Variants in TARS1 observed in about 807,000 individuals in gnomAD.
The protein encoded by TARS1 is threonine--tRNA ligase 1, cytoplasmic.
In TARS1, 57 loss-of-function variants were observed where a neutral mutation model predicts 97.7. The ratio of observed to expected loss-of-function variants is 0.58; its 90% confidence interval spans 0.47 to 0.73. The LOEUF (loss-of-function observed/expected upper bound fraction) is 0.73, where lower values mean the gene tolerates loss of function less well. Among genes scored for constraint, TARS1 ranks in the 30% least tolerant of loss-of-function variants. TARS1 has a pLI of 0.00. For missense variants in TARS1, 806 were observed against 888.3 expected, an observed-to-expected ratio of 0.91 and a Z score of 1.18; for synonymous variants, 312 against 293.7, an observed-to-expected ratio of 1.06 and a Z score of -0.64.
chr5:33,449,605 G>A (rs1334690951), intron 3 of TARS1, among the ~76,000 whole-genome samples: 19 of 151,182 alleles, frequency 1.3e-4, no homozygotes, highest in African/African-American at 3.4e-4. Context: ...ACAGGTGCCC[G>A]CCACCACGCC....
At position 33,458,606 on chromosome 5, in the gene TARS1, G is replaced by T; in HGVS notation, c.1025G>T (p.Ser342Ile). Residue 342 changes from serine to isoleucine, a missense_variant, in exon 10 of 19, where the codon AGT becomes ATT. Physicochemically the swap from Ser to Ile is moderately radical, Grantham distance 142. Coordinates refer to ENST00000265112, the MANE Select transcript of TARS1 (RefSeq NM_152295.5). ...LYFFHELSPG[S>I]CFFLPKGAYI... is the part of the protein sequence containing the mutation. ...TTCTTTCATGAACTCAGCCCTGGAA[G>T]TTGCTTTTTTCTGCCAAAAGGAGCC... 6.2e-7 allele frequency: 1 copy of T among 1,613,690 alleles called. No homozygotes were observed. The highest frequency in any genetic ancestry group is 1.7e-4 in the Middle Eastern group (1 of 6,056).
intron 2 of TARS1, among the ~76,000 whole-genome samples, chr5:33,448,101 G>C (rs1741510902): frequency 6.6e-6 from 1 of 152,228 alleles, no homozygotes; most frequent in Admixed American, 6.5e-5. Flanking sequence ...GAGACCTTAA[G>C]TCAAAGAAAT....
At chr5:33,463,989 C>G (rs1166620715) in intron 17 of TARS1, among the ~76,000 whole-genome samples, 164 bp downstream of exon 17, 3 of 152,116 alleles carry the variant, frequency 2.0e-5, no homozygotes, top group Non-Finnish European at 4.4e-5. Flanking sequence ...TTCTTTAATG[C>G]TTTTCTCCAT....
rs557847497 is a variant in TARS1 at position 33,454,945 on chromosome 5, G to A, written c.454G>A (p.Val152Met). Residue 152 changes from valine (V) to methionine (M), a missense_variant and splice_region_variant, in exon 5 of 19, where the codon GTG becomes ATG. This residue lies in a region of TARS1 where 356 missense variants were observed against 357.8 expected (regional missense o/e 0.99). Coordinates refer to ENST00000265112, the MANE Select transcript of TARS1 (RefSeq NM_152295.5). Reference sequence around the variant, plus strand: ...ATGCCATTTTTCTTTAAATTTTCAGGTGTATTGGCACTCTAGTGCTCACAT... The same window carrying A: ...ATGCCATTTTTCTTTAAATTTTCAGATGTATTGGCACTCTAGTGCTCACAT... Reference protein sequence around the residue: ...LKFEDEEAQAVYWHSSAHIMG... With the variant: ...LKFEDEEAQAMYWHSSAHIMG... The A allele has an allele frequency of 6.2e-7, 1 of 1,612,526 alleles. No individual in the cohort carries two copies. Among genetic ancestry groups the A allele is most frequent in the South Asian group, 1.1e-5 (1 of 90,788 alleles).
chr5:33,461,096 A>G, intron 12 of TARS1, 32 bp downstream of exon 12: 1 of 1,603,172 alleles, frequency 6.2e-7, no homozygotes, highest in Non-Finnish European at 8.5e-7. Flanking sequence ...ATACTTAGAA[A>G]GAAGAGTCAA....
At position 33,458,630 on chromosome 5, in the gene TARS1, C is replaced by T. The variant is rs1051210; in HGVS notation, c.1049C>T (p.Ala350Val). ...AGTTGCTTTTTTCTGCCAAAAGGAG[C>T]CTACATTTATAATGCACTTATTGAA... ...PGSCFFLPKG[A>V]YIYNALIEFI... The change falls in exon 10 of 19, where the codon GCC becomes GTC. Residue 350 changes from alanine to valine, a missense_variant. This residue lies in a region of TARS1 where 446 missense variants were observed against 511.0 expected (regional missense o/e 0.87). Coordinates refer to ENST00000265112, the MANE Select transcript of TARS1 (RefSeq NM_152295.5). 6.2e-7 allele frequency: 1 copy of T among 1,613,526 alleles called. No homozygotes were observed. The highest frequency in any genetic ancestry group is 8.5e-7 in the Non-Finnish European group (1 of 1,179,722).
At chr5:33,447,101 A>G (rs1741456990) in intron 2 of TARS1, among the ~76,000 whole-genome samples, 1 of 152,170 alleles carries the variant, frequency 6.6e-6, no homozygotes, top group African/African-American at 2.4e-5. Context: ...GTGCCTGTGA[A>G]TAGTCACTGC....
At chr5:33,450,458 T>G (rs1455714772) in intron 3 of TARS1, among the ~76,000 whole-genome samples, 1 of 152,236 alleles carries the variant, frequency 6.6e-6, no homozygotes, top group Non-Finnish European at 1.5e-5. Flanking sequence ...TTAGTACTTT[T>G]TACAAAGTGA....
At chr5:33,463,714 G>A in intron 16 of TARS1, 39 bp from the exon 17 acceptor site, 1 of 1,536,532 alleles carries the variant, frequency 6.5e-7, no homozygotes, top group Non-Finnish European at 9.0e-7. Flanking sequence ...TAGTGAATAT[G>A]CCCACATCTA....
intron 2 of TARS1, among the ~76,000 whole-genome samples, chr5:33,447,664 G>A (rs1741487534): frequency 6.6e-6 from 1 of 152,212 alleles, no homozygotes; most frequent in Non-Finnish European, 1.5e-5. Context: ...TTGAATAAAT[G>A]TTAAAATCTG....
chr5:33,455,577 TCTC>T lies in TARS1; in HGVS notation c.576-7_576-5del, dbSNP rs1336951166. ...ATGGAATGAAAAGATTATACTTTCT[TCTC>T]CTTCAGGGGTGTGTCTAGCAATGAT... On this transcript the variant is annotated splice_polypyrimidine_tract_variant and splice_region_variant and intron_variant, in intron 5 of 18. Coordinates refer to ENST00000265112, the MANE Select transcript of TARS1 (RefSeq NM_152295.5). 1 of 1,546,412 alleles carries T rather than the reference TCTC, an allele frequency of 6.5e-7. No homozygotes were observed. Among genetic ancestry groups the T allele is most frequent in the Non-Finnish European group, 8.8e-7 (1 of 1,133,888 alleles).
rs779855795 is a variant in TARS1 at position 33,448,687 on chromosome 5, G to A, written c.285G>A (p.Ala95=). ...VTLPDGKQVD[A]ESWKTTPYQI... ...TGCCTGATGGTAAACAGGTTGATGCGGAATCTTGGAAAACTACACCATATC... is the reference window on the plus strand; with the variant it reads ...TGCCTGATGGTAAACAGGTTGATGCAGAATCTTGGAAAACTACACCATATC... The change falls in exon 3 of 19, where the codon GCG becomes GCA. Residue 95 remains alanine (A), a synonymous_variant. Coordinates refer to ENST00000265112, the MANE Select transcript of TARS1 (RefSeq NM_152295.5). 3.4e-5 allele frequency: 55 copies of A among 1,613,558 alleles called. No individual in the cohort carries two copies. In the East Asian group the frequency reaches 6.2e-4, roughly 18 times the overall value.
chr5:33,456,968 C>CT (rs1223301746), intron 8 of TARS1, among the ~76,000 whole-genome samples: 2 of 151,970 alleles, frequency 1.3e-5, no homozygotes, highest in African/African-American at 2.4e-5. Flanking sequence ...GGGTAATTTT[C>CT]TTTTTTTTAA....
At chr5:33,467,439 T>TA in intron 18 of TARS1, 121 bp from the exon 19 acceptor site, 1 of 1,090,668 alleles carries the variant, frequency 9.2e-7, no homozygotes, top group Non-Finnish European at 1.3e-6. Flanking sequence ...TTGTACCTTT[T>TA]AATGTATCAG....
In TARS1 at chr5:33,460,951, C is replaced by A; in HGVS notation, c.1300C>A (p.Leu434Ile). 1.2e-6 allele frequency: 2 copies of A among 1,614,152 alleles called. No homozygotes were observed. The highest frequency in any genetic ancestry group is 1.7e-6 in the Non-Finnish European group (2 of 1,180,032). The part of the protein sequence containing the change: ...PRSWRELPLR[L>I]ADFGVLHRNE... ...GTCCTGGCGAGAACTGCCTCTGCGG[C>A]TAGCTGATTTTGGGGTACTTCATAG... Residue 434 changes from leucine (L) to isoleucine (I), a missense_variant, in exon 12 of 19, where the codon CTA becomes ATA. Physicochemically the swap from Leu to Ile is conservative, Grantham distance 5. Around this residue, in one of 3 missense-constraint regions of TARS1, gnomAD observed 446 missense variants for 511.0 expected, o/e 0.87. Coordinates refer to ENST00000265112, the MANE Select transcript of TARS1 (RefSeq NM_152295.5).
rs116106015 is a variant in TARS1 at position 33,447,179 on chromosome 5, G to A, written c.139-1362G>A. On this transcript the variant is annotated intron_variant, in intron 2 of 18. Transcript: ENST00000265112. ...AGAATGGAAAGAAGGAGGGAGGGAAGGAATTACTGGGCAGACAATTAATCT... is the reference window on the plus strand; with the variant it reads ...AGAATGGAAAGAAGGAGGGAGGGAAAGAATTACTGGGCAGACAATTAATCT... Among the ~76,000 whole-genome samples, 521 of 151,788 alleles carry A rather than the reference G, an allele frequency of 3.4e-3. 4 individuals carry two copies. The highest frequency in any genetic ancestry group is 0.012 in the African/African-American group (498 of 41,386).
At position 33,461,159 on chromosome 5, in the gene TARS1, T is replaced by G; in HGVS notation, c.1415T>G (p.Ile472Ser). ...DAHIFCAMEQ[I>S]EDEIKGCLDF... ...CTTTTTTTGTTTTTTAATTTGAAGA[T>G]TGAAGATGAAATAAAAGGTTGTTTG... Residue 472 changes from isoleucine (I) to serine (S), a missense_variant and splice_region_variant, in exon 13 of 19, where the codon ATT becomes AGT. Physicochemically the swap from Ile to Ser is moderately radical, Grantham distance 142. Transcript: ENST00000265112. 6.2e-7 allele frequency: 1 copy of G among 1,603,408 alleles called. No individual in the cohort carries two copies. Among genetic ancestry groups the G allele is most frequent in the Non-Finnish European group, 8.5e-7 (1 of 1,175,204 alleles).
chr5:33,453,952 T>C (rs1741885751), intron 4 of TARS1, among the ~76,000 whole-genome samples: 1 of 152,134 alleles, frequency 6.6e-6, no homozygotes, highest in African/African-American at 2.4e-5. Context: ...ACTCCTGACC[T>C]CAAGTGATCT....
chr5:33,460,084 A>G (rs1395811814), intron 11 of TARS1: 2 of 403,014 alleles, frequency 5.0e-6, no homozygotes, highest in Non-Finnish European at 8.7e-6. Context: ...GTATGCGATT[A>G]TAGCTCACTG....
Sources: gnomAD v4.1 joint callset for allele counts (sites outside exome capture counted in the v4.1 genomes callset) on GRCh38, gnomAD v4.1.1 for gene constraint, gnomAD v4.1.1 regional missense constraint, MANE v1.5 for transcripts, NCBI Gene and HGNC (gene_info 2026-07-23, HGNC 2026-07-21) for gene names.